Variants in KIR3DL2 observed in about 807,000 individuals in gnomAD.
KIR3DL2 encodes killer cell immunoglobulin like receptor, three Ig domains and long cytoplasmic tail 2.
A neutral mutation model predicts 41.6 loss-of-function variants in KIR3DL2; 42 were observed. That is an observed-to-expected ratio of 1.01 (90% confidence interval 0.79 to 1.31). The LOEUF (loss-of-function observed/expected upper bound fraction) is 1.31. KIR3DL2 is among the 50% of genes most tolerant of loss of function. KIR3DL2 has a pLI of 0.00. For synonymous variants in KIR3DL2, 230 were observed against 221.3 expected (o/e 1.04, Z -0.35); for missense variants, 728 against 576.8 (o/e 1.26, Z -2.68).
chr19:54,861,991 T>A (rs1289617578), intron 6 of KIR3DL2, among the ~76,000 whole-genome samples: 7 of 152,030 alleles, frequency 4.6e-5, no homozygotes, highest in African/African-American at 1.4e-4. Flanking sequence ...TAAACGCTAA[T>A]ACTCCTTGGA....
At chr19:54,862,677 C>T (rs1042406494) in intron 6 of KIR3DL2, among the ~76,000 whole-genome samples, 2 of 151,674 alleles carry the variant, frequency 1.3e-5, no homozygotes, top group South Asian at 2.1e-4. Context: ...CACTGCATGA[C>T]GTCCTCCTCC....
At chr19:54,854,268 A>T (rs2064553314) in intron 4 of KIR3DL2, among the ~76,000 whole-genome samples, 2 of 151,782 alleles carry the variant, frequency 1.3e-5, no homozygotes, top group Non-Finnish European at 2.9e-5. Context: ...GGGGAAGTAG[A>T]AAAGAGAGAA....
intron 6 of KIR3DL2, 134 bp from the exon 7 acceptor site, chr19:54,865,671 G>A: frequency 1.3e-6 from 1 of 744,824 alleles, no homozygotes; most frequent in Non-Finnish European, 2.3e-6. Context: ...GCAGGAGAAA[G>A]CTGGGTCTCC....
chr19:54,866,288 C>G, intron 7 of KIR3DL2, 82 bp from the exon 8 acceptor site: 1 of 1,430,594 alleles, frequency 7.0e-7, no homozygotes. Context: ...CTACAGCCTC[C>G]CCCTGTGGGT....
chr19:54,850,701 G>A (rs1347684419), intron 1 of KIR3DL2, among the ~76,000 whole-genome samples, 192 bp downstream of exon 1: 1 of 131,116 alleles, frequency 7.6e-6, no homozygotes, highest in Middle Eastern at 4.0e-3. Context: ...TATGGGCCTG[G>A]GTGTGGAGAT....
Position 54,852,012 on chromosome 19 carries a change from CCCTT to C in KIR3DL2, c.89_92del (p.Phe30CysfsTer55). 2.5e-6 allele frequency: 4 copies of C among 1,610,484 alleles called. No homozygotes were observed. In the Admixed American group the frequency reaches 6.7e-5, roughly 27 times the overall value. The stretch of plus-strand genomic sequence containing the variant: ...TTCTCCCCCAGGTGGTCAGGACAAA[CCCTT>C]CCTGTCTGCCCGGCCCAGCACTGTG... On this transcript the variant is annotated frameshift_variant, in exon 3 of 9. Coordinates refer to ENST00000326321, the MANE Select transcript of KIR3DL2 (RefSeq NM_006737.4). LOFTEE classifies it high-confidence loss of function.
chr19:54,862,802 C>CTTTTTT (rs1210198153), intron 6 of KIR3DL2, among the ~76,000 whole-genome samples: 174 of 79,654 alleles, frequency 2.2e-3, no homozygotes, highest in Non-Finnish European at 2.4e-3. Context: ...TGGGTTACTT[C>CTTTTTT]TTTTTTTTTT....
intron 5 of KIR3DL2, among the ~76,000 whole-genome samples, chr19:54,858,362 TA>T (rs1344859681): frequency 6.6e-6 from 1 of 150,798 alleles, no homozygotes; most frequent in Admixed American, 6.6e-5. Flanking sequence ...TGCATGTAGA[TA>T]TCCAGTTTTC....
In KIR3DL2 at chr19:54,857,774, G is replaced by A. The variant is rs370485809; in HGVS notation, c.950-1305G>A. Among the ~76,000 whole-genome samples, 7 of 151,682 alleles carry A rather than the reference G, an allele frequency of 4.6e-5. No individual in the cohort carries two copies. In the East Asian group the frequency reaches 9.7e-4, roughly 21 times the overall value. On this transcript the variant is annotated intron_variant, in intron 5 of 8. Coordinates refer to ENST00000326321, the MANE Select transcript of KIR3DL2 (RefSeq NM_006737.4). Reference sequence around the variant, plus strand: ...TCCATGTTGGTCAGGCTGGTCTCCCGACCTCAGGTGATCCGCCCACCTCCG... The same window carrying A: ...TCCATGTTGGTCAGGCTGGTCTCCCAACCTCAGGTGATCCGCCCACCTCCG...
chr19:54,856,431 G>C (rs867143578), intron 5 of KIR3DL2, among the ~76,000 whole-genome samples: 1 of 151,668 alleles, frequency 6.6e-6, no homozygotes, highest in African/African-American at 2.4e-5. Context: ...TTGTAATCTT[G>C]GCGCTTTGAG....
At chr19:54,855,266 AATAG>A (rs774550804) in intron 4 of KIR3DL2, among the ~76,000 whole-genome samples, 9,787 of 150,900 alleles carry the variant, frequency 0.065, 471 homozygotes, top group Middle Eastern at 0.12. Context: ...ATAGACACAA[AATAG>A]ATAGATAGAT....
intron 2 of KIR3DL2, 121 bp from the exon 3 acceptor site, chr19:54,851,877 C>T: frequency 8.0e-7 from 1 of 1,252,424 alleles, no homozygotes; most frequent in East Asian, 2.6e-5. Flanking sequence ...CTTCCTGTAG[C>T]CCTGGGCACC....
rs1414007573 is a variant in KIR3DL2 at position 54,852,071 on chromosome 19, G to T, written c.144G>T (p.Gln48His). The T allele has an allele frequency of 6.2e-7, 1 of 1,612,628 alleles. No homozygotes were observed. Among genetic ancestry groups the T allele is most frequent in the South Asian group, 1.1e-5 (1 of 91,066 alleles). Reference protein sequence around the residue: ...VVPRGGHVALQCHYRRGFNNF... With the variant: ...VVPRGGHVALHCHYRRGFNNF... ...CTCGAGGAGGACACGTGGCTCTTCA[G>T]TGTCACTATCGTCGTGGGTTTAACA... Residue 48 changes from glutamine (Q) to histidine (H), a missense_variant, in exon 3 of 9, where the codon CAG (glutamine) becomes CAT (histidine). Transcript: ENST00000326321.
intron 6 of KIR3DL2, 63 bp from the exon 7 acceptor site, chr19:54,865,742 G>T: frequency 7.1e-7 from 1 of 1,409,356 alleles, no homozygotes; most frequent in Non-Finnish European, 1.0e-6. Flanking sequence ...ATCAAGAAAT[G>T]AGACAATCCA....
intron 6 of KIR3DL2, among the ~76,000 whole-genome samples, chr19:54,862,694 AACAGG>A (rs1288997270): frequency 6.6e-6 from 1 of 151,298 alleles, no homozygotes; most frequent in Non-Finnish European, 1.5e-5. Flanking sequence ...CTCCAGGAAG[AACAGG>A]AAGACAGCAC....
At chr19:54,865,742 G>C in intron 6 of KIR3DL2, 63 bp from the exon 7 acceptor site, 1 of 1,409,358 alleles carries the variant, frequency 7.1e-7, no homozygotes, top group Non-Finnish European at 1.0e-6. Context: ...ATCAAGAAAT[G>C]AGACAATCCA....
chr19:54,851,677 G>A (rs1411349390), intron 2 of KIR3DL2, among the ~76,000 whole-genome samples: 3 of 151,732 alleles, frequency 2.0e-5, no homozygotes, highest in Non-Finnish European at 4.4e-5. Context: ...CTCTGAGGGG[G>A]CTCAGTTCAT....
intron 6 of KIR3DL2, among the ~76,000 whole-genome samples, chr19:54,863,037 G>A (rs994438980): frequency 9.4e-6 from 1 of 106,312 alleles, no homozygotes; most frequent in African/African-American, 3.9e-5. Flanking sequence ...CCCAGAGTGT[G>A]ATGTTCCCCT....
rs1424604092 is a variant in KIR3DL2, at chr19:54,853,830, G to A, written c.439G>A (p.Asp147Asn). 9 of 1,613,034 alleles carry A rather than the reference G, an allele frequency of 5.6e-6. No individual in the cohort carries two copies. In the Admixed American group the frequency reaches 6.7e-5, roughly 12 times the overall value. The change falls in exon 4 of 9, where the codon GAT becomes AAT. Residue 147 changes from aspartate to asparagine, a missense_variant. Physicochemically the swap from Asp to Asn is conservative, Grantham distance 23. Transcript: ENST00000326321. Reference sequence around the variant, plus strand: ...GACAGTCATCCTGCAATGTTGGTCAGATGTCATGTTTGAGCACTTCTTTCT... The same window carrying A: ...GACAGTCATCCTGCAATGTTGGTCAAATGTCATGTTTGAGCACTTCTTTCT... Reference protein sequence around the residue: ...GETVILQCWSDVMFEHFFLHR... With the variant: ...GETVILQCWSNVMFEHFFLHR...
Sources: gnomAD v4.1 joint callset for allele counts (sites outside exome capture counted in the v4.1 genomes callset) on GRCh38, gnomAD v4.1.1 for gene constraint, MANE v1.5 for transcripts, NCBI Gene and HGNC (gene_info 2026-07-23, HGNC 2026-07-21) for gene names.